HAO1: variants seen among roughly 807,000 people sequenced by gnomAD.
The protein encoded by HAO1 is 2-Hydroxyacid oxidase 1.
In HAO1, 34 loss-of-function variants were observed where a neutral mutation model predicts 39.7. The ratio of observed to expected loss-of-function variants is 0.86; its 90% CI spans 0.65 to 1.14. The LOEUF is 1.14. HAO1 is among the 50% of genes most tolerant of loss of function. The pLI is 0.00. For missense variants in HAO1, 479 were observed against 464.5 expected (o/e 1.03, Z -0.29); for synonymous variants, 172 against 173.2 (o/e 0.99, Z 0.05).
rs990109731 is a variant in HAO1 at position 7,909,413 on chromosome 20, T to G, written c.546-3084A>C. Among the ~76,000 whole-genome samples, 5 of 125,490 alleles carry G rather than the reference T, an allele frequency of 4.0e-5. No individual in the cohort carries two copies. In the South Asian group the frequency reaches 1.6e-3, roughly 40 times the overall value. The allele number at this position is 125,490 out of a possible 152,430, so 82.3% of individuals were successfully genotyped here. A position where few individuals can be genotyped will look rare whatever the true frequency, so the allele number is the denominator to read the frequency against. On this transcript the variant is annotated intron_variant, in intron 3 of 7. Coordinates refer to ENST00000378789, the MANE Select transcript of HAO1 (RefSeq NM_017545.3). The stretch of plus-strand genomic sequence containing the variant: ...TATATATATATATATATGCTTAAAG[T>G]GGCTTCTGATAACCAAAGTATTCCA...
At chr20:7,893,930 C>T (rs1039777592) in intron 5 of HAO1, among the ~76,000 whole-genome samples, 4 of 152,086 alleles carry the variant, frequency 2.6e-5, no homozygotes, top group Admixed American at 6.6e-5. Flanking sequence ...ACACTGCAAA[C>T]AAGATGGATT....
At chr20:7,897,203 AT>A (rs1461053314) in intron 4 of HAO1, among the ~76,000 whole-genome samples, 1 of 152,180 alleles carries the variant, frequency 6.6e-6, no homozygotes, top group Non-Finnish European at 1.5e-5. Flanking sequence ...GATTTGAATT[AT>A]TTTATAAGTA....
At chr20:7,937,939 A>ATGAG (rs1445149091) in intron 1 of HAO1, among the ~76,000 whole-genome samples, 1 of 152,190 alleles carries the variant, frequency 6.6e-6, no homozygotes, top group Non-Finnish European at 1.5e-5. Flanking sequence ...GCTGGGTCAC[A>ATGAG]TGAGTGGTCC....
At chr20:7,935,335 T>C (rs1486397723) in intron 1 of HAO1, among the ~76,000 whole-genome samples, 2 of 152,220 alleles carry the variant, frequency 1.3e-5, no homozygotes, top group Admixed American at 6.5e-5. Flanking sequence ...GTACAGGTTC[T>C]TGTGTGAACA....
chr20:7,915,844 T>G (rs188969467), intron 2 of HAO1, among the ~76,000 whole-genome samples: 64 of 152,330 alleles, frequency 4.2e-4, no homozygotes, highest in African/African-American at 1.5e-3. Flanking sequence ...GGTAGATGAA[T>G]CTAAACAAAC....
chr20:7,929,591 C>T (rs1310148882), intron 2 of HAO1, among the ~76,000 whole-genome samples: 1 of 152,148 alleles, frequency 6.6e-6, no homozygotes, highest in Non-Finnish European at 1.5e-5. Flanking sequence ...TCAGACAGGG[C>T]GCGGTGGCTC....
chr20:7,917,339 C>CAA (rs55848354), intron 2 of HAO1, among the ~76,000 whole-genome samples: 2,407 of 62,288 alleles, frequency 0.039, 75 homozygotes, highest in African/African-American at 0.05. Flanking sequence ...GACTCCCTGT[C>CAA]AAAAAAAAAA....
chr20:7,909,637 TAA>T (rs1368379664), intron 3 of HAO1, among the ~76,000 whole-genome samples: 2 of 151,670 alleles, frequency 1.3e-5, no homozygotes, highest in East Asian at 3.9e-4. Flanking sequence ...TTTAGCATCA[TAA>T]AAATAGTAAC....
chr20:7,936,580 G>A (rs537396159), intron 1 of HAO1, among the ~76,000 whole-genome samples: 1 of 149,376 alleles, frequency 6.7e-6, no homozygotes, highest in East Asian at 2.0e-4. Flanking sequence ...GTGCCAAAAG[G>A]GACATTTTTA....
chr20:7,915,132 ATATTAT>A (rs1347431882), intron 2 of HAO1, among the ~76,000 whole-genome samples: 3 of 150,722 alleles, frequency 2.0e-5, no homozygotes, highest in African/African-American at 7.2e-5. Flanking sequence ...AAAAAAAATA[ATATTAT>A]TATGATAATC....
chr20:7,938,037 C>G (rs2235244), intron 1 of HAO1, among the ~76,000 whole-genome samples: 1 of 151,844 alleles, frequency 6.6e-6, no homozygotes, highest in Non-Finnish European at 1.5e-5. Context: ...GTTGTACTTG[C>G]GAGATGGGGA....
chr20:7,938,569 G>T (rs1600124741), intron 1 of HAO1, among the ~76,000 whole-genome samples: 1 of 152,200 alleles, frequency 6.6e-6, no homozygotes, highest in East Asian at 1.9e-4. Flanking sequence ...TCATAACTTA[G>T]AAGTCACCAA....
At chr20:7,901,966 G>A (rs1205271975) in intron 4 of HAO1, among the ~76,000 whole-genome samples, 2 of 152,162 alleles carry the variant, frequency 1.3e-5, no homozygotes, top group African/African-American at 2.4e-5. Flanking sequence ...TAAGATAACC[G>A]AATTAGATGT....
chr20:7,919,090 A>G (rs1017495479), intron 2 of HAO1, among the ~76,000 whole-genome samples: 1 of 152,230 alleles, frequency 6.6e-6, no homozygotes, highest in African/African-American at 2.4e-5. Flanking sequence ...CTGAGGTCAT[A>G]TTAACATAAA....
chr20:7,918,477 C>G (rs187743867), intron 2 of HAO1, among the ~76,000 whole-genome samples: 7 of 152,266 alleles, frequency 4.6e-5, no homozygotes, highest in African/African-American at 1.7e-4. Flanking sequence ...TAAATAGCCA[C>G]GGCTCTGAAG....
chr20:7,927,490 TGA>T (rs2050364956), intron 2 of HAO1, among the ~76,000 whole-genome samples: 1 of 152,212 alleles, frequency 6.6e-6, no homozygotes, highest in East Asian at 1.9e-4. Context: ...ATTAAAATGT[TGA>T]TTAAGTAATC....
chr20:7,925,327 G>A (rs1012475439), intron 2 of HAO1, among the ~76,000 whole-genome samples: 1 of 152,054 alleles, frequency 6.6e-6, no homozygotes, highest in African/African-American at 2.4e-5. Flanking sequence ...TTTCATCATG[G>A]CCCATTGAAC....
At chr20:7,916,600 G>A (rs1419769352) in intron 2 of HAO1, among the ~76,000 whole-genome samples, 1 of 152,198 alleles carries the variant, frequency 6.6e-6, no homozygotes, top group Non-Finnish European at 1.5e-5. Context: ...TTTCTAACCA[G>A]ATTAGGCTGA....
At chr20:7,887,435 G>A in intron 5 of HAO1, among the ~76,000 whole-genome samples, 1 of 152,154 alleles carries the variant, frequency 6.6e-6, no homozygotes, top group East Asian at 1.9e-4. Context: ...AGATTGGAAG[G>A]AAGTGAAGGT....
Sources: gnomAD v4.1 joint callset for allele counts (sites outside exome capture counted in the v4.1 genomes callset) on GRCh38, gnomAD v4.1.1 for gene constraint, MANE v1.5 for transcripts, NCBI Gene and HGNC (gene_info 2026-07-23, HGNC 2026-07-21) for gene names.